The following MAP4K5 variants were observed in gnomAD, a reference collection of about 807,000 sequenced individuals.
MAP4K5 encodes MAPK/ERK kinase kinase kinase 5.
In MAP4K5, 82 loss-of-function variants were observed where a neutral mutation model predicts 135.6. That is an observed-to-expected ratio of 0.60 (90% confidence interval 0.51 to 0.73). The LOEUF is 0.73. Ranked by LOEUF, MAP4K5 falls within the 30% of genes least tolerant of loss-of-function variation. The pLI is 0.00. For missense variants in MAP4K5, 907 were observed against 1,010.9 expected, an observed-to-expected ratio of 0.90 and a Z score of 1.39; for synonymous variants, 347 against 335.0, an observed-to-expected ratio of 1.04 and a Z score of -0.39.
intron 14 of MAP4K5, chr14:50,449,362 G>GT: frequency 6.6e-6 from 1 of 152,118 alleles, no homozygotes; most frequent in African/African-American, 2.4e-5. Context: ...TATTCAAAGA[G>GT]TAACTTCTTT....
At chr14:50,497,769 TTTAAC>T (rs533671894) in intron 3 of MAP4K5, among the ~76,000 whole-genome samples, 161 of 152,306 alleles carry the variant, frequency 1.1e-3, no homozygotes, top group African/African-American at 3.7e-3. Flanking sequence ...AAGAAACACA[TTTAAC>T]TTATTTTATT....
At chr14:50,509,440 C>T (rs1004716042) in intron 2 of MAP4K5, among the ~76,000 whole-genome samples, 8 of 152,092 alleles carry the variant, frequency 5.3e-5, no homozygotes, top group African/African-American at 1.9e-4. Context: ...AAATAATCTA[C>T]TGAAAACAGC....
chr14:50,529,220 TA>T (rs112894216), intron 2 of MAP4K5, among the ~76,000 whole-genome samples: 2 of 150,132 alleles, frequency 1.3e-5, no homozygotes, highest in South Asian at 2.1e-4. Context: ...TCCTCTCTAC[TA>T]AAAAAAAATA....
intron 2 of MAP4K5, among the ~76,000 whole-genome samples, chr14:50,518,895 T>C (rs1467383841): frequency 1.3e-5 from 2 of 152,172 alleles, no homozygotes; most frequent in African/African-American, 2.4e-5. Context: ...CTCTCAGTCA[T>C]TGTTGATGGG....
intron 30 of MAP4K5, among the ~76,000 whole-genome samples, chr14:50,426,778 C>T (rs2035857363): frequency 6.6e-6 from 1 of 152,134 alleles, no homozygotes; most frequent in Admixed American, 6.5e-5. Flanking sequence ...CACAATCCAA[C>T]ATTTAACCAC....
At chr14:50,531,581 T>C (rs1287083784) in intron 2 of MAP4K5, among the ~76,000 whole-genome samples, 2 of 152,212 alleles carry the variant, frequency 1.3e-5, no homozygotes, top group Non-Finnish European at 2.9e-5. Context: ...CAATATTCTT[T>C]CCTGTCTATC....
intron 28 of MAP4K5, among the ~76,000 whole-genome samples, chr14:50,431,773 T>C (rs2035976184): frequency 6.6e-6 from 1 of 152,012 alleles, no homozygotes; most frequent in Admixed American, 6.6e-5. Context: ...TACCCAGTAA[T>C]GGGATGGCTG....
chr14:50,518,620 C>T (rs981994291), intron 2 of MAP4K5, among the ~76,000 whole-genome samples: 1 of 152,216 alleles, frequency 6.6e-6, no homozygotes, highest in Non-Finnish European at 1.5e-5. Flanking sequence ...CACTCCCAGG[C>T]AGACAGATTC....
chr14:50,433,173 C>T (rs2036012660), intron 28 of MAP4K5, among the ~76,000 whole-genome samples: 1 of 152,100 alleles, frequency 6.6e-6, no homozygotes, highest in South Asian at 2.1e-4. Context: ...TTATATCTCA[C>T]GATAATAAAG....
At chr14:50,533,313 G>C (rs2038445839), upstream of MAP4K5, 1 of 151,954 alleles carries the variant, frequency 6.6e-6, no homozygotes, top group African/African-American at 2.4e-5. Context: ...TGTGCTCTGG[G>C]ACAAAACAGC....
chr14:50,449,141 A>T, intron 14 of MAP4K5: 1 of 272,248 alleles, frequency 3.7e-6, no homozygotes, highest in Non-Finnish European at 6.8e-6. Flanking sequence ...AACTTTAAGA[A>T]TTTTCTCTAT....
At chr14:50,492,998 C>T (rs1317927882) in intron 3 of MAP4K5, among the ~76,000 whole-genome samples, 3 of 150,892 alleles carry the variant, frequency 2.0e-5, no homozygotes, top group Non-Finnish European at 4.4e-5. Flanking sequence ...TGCACCACTG[C>T]CCTCCAGCCT....
intron 30 of MAP4K5, among the ~76,000 whole-genome samples, chr14:50,427,538 TC>T (rs1023912021): frequency 6.6e-6 from 1 of 152,078 alleles, no homozygotes; most frequent in Non-Finnish European, 1.5e-5. Context: ...GTAATGAAAA[TC>T]GTGTTTTTAA....
Position 50,514,943 on chromosome 14 carries a change from G to A in MAP4K5, c.109-10086C>T, listed in dbSNP as rs147890438. Reference sequence around the variant, plus strand: ...TTTTGAGATGGAGTCTCGCTCTGTCGCCCAGGCTGGAGTACAGTGGCGTAA... The same window carrying A: ...TTTTGAGATGGAGTCTCGCTCTGTCACCCAGGCTGGAGTACAGTGGCGTAA... On this transcript the variant is annotated intron_variant, in intron 2 of 32. Coordinates refer to ENST00000682126, the MANE Select transcript of MAP4K5 (RefSeq NM_006575.6). Among the ~76,000 whole-genome samples the A allele has an allele frequency of 5.0e-3, 735 of 148,040 alleles. 8 individuals are homozygous for A. The highest frequency in any genetic ancestry group is 0.018 in the African/African-American group (705 of 40,020).
At chr14:50,542,275 C>T (rs1173529306) in intron 2 of MAP4K5, among the ~76,000 whole-genome samples, 3 of 89,618 alleles carry the variant, frequency 3.3e-5, no homozygotes, top group African/African-American at 1.4e-4. Context: ...ACACCGGGGG[C>T]CTGTGGTGTC....
intron 5 of MAP4K5, among the ~76,000 whole-genome samples, chr14:50,483,349 G>T (rs7147353): frequency 0.044 from 6,659 of 152,136 alleles, 155 homozygotes; most frequent in East Asian, 0.068. Context: ...ATGCCTTTCA[G>T]TACCATGAGA....
At chr14:50,509,673 T>TA (rs58110395) in intron 2 of MAP4K5, among the ~76,000 whole-genome samples, 20,021 of 144,556 alleles carry the variant, frequency 0.14, 1,568 homozygotes, top group Non-Finnish European at 0.18. Context: ...GAACTGGAAT[T>TA]AAAAAAAAAA....
chr14:50,490,072 G>GGT lies in MAP4K5; in HGVS notation c.167-3880_167-3879dup, dbSNP rs910199946. Among the ~76,000 whole-genome samples the GGT allele has an allele frequency of 3.8e-4, 57 of 148,982 alleles. No individual in the cohort carries two copies. In the Middle Eastern group the frequency reaches 0.01, roughly 27 times the overall value. On this transcript the variant is annotated intron_variant, in intron 3 of 32. Coordinates refer to ENST00000682126, the MANE Select transcript of MAP4K5 (RefSeq NM_006575.6). ...TCCTTGGGCTCCTCAAGTATGCATG[G>GGT]GTGTGTGTGTGTGTGTGAGAGAGAG...
At chr14:50,529,651 AAAC>A (rs35966469) in intron 2 of MAP4K5, among the ~76,000 whole-genome samples, 40,194 of 151,874 alleles carry the variant, frequency 0.26, 6,234 homozygotes, top group South Asian at 0.39. Flanking sequence ...AAAATAAGTA[AAAC>A]ATTATGTTGG....
Sources: gnomAD v4.1 joint callset for allele counts (sites outside exome capture counted in the v4.1 genomes callset) on GRCh38, gnomAD v4.1.1 for gene constraint, MANE v1.5 for transcripts, NCBI Gene and HGNC (gene_info 2026-07-23, HGNC 2026-07-21) for gene names.